The following ITFG1 variants were observed in gnomAD, a reference collection of about 807,000 sequenced individuals.
The protein encoded by ITFG1 is integrin alpha FG-GAP repeat containing 1, also known as T-cell immunomodulatory protein.
ITFG1 carries 34 observed loss-of-function variants against 81.8 expected under a neutral mutation model. The observed-to-expected ratio is 0.42, with a 90% confidence interval of 0.32 to 0.55. The LOEUF (loss-of-function observed/expected upper bound fraction) is 0.55. Ranked by LOEUF, ITFG1 falls within the 20% of genes least tolerant of loss-of-function variation. The pLI is 0.17. For synonymous variants in ITFG1, 285 were observed against 270.6 expected, an observed-to-expected ratio of 1.05 and a Z score of -0.52; for missense variants, 672 against 755.4, an observed-to-expected ratio of 0.89 and a Z score of 1.29.
chr16:47,359,279 C>G (rs1347585644), intron 8 of ITFG1, among the ~76,000 whole-genome samples: 1 of 152,196 alleles, frequency 6.6e-6, no homozygotes, highest in African/African-American at 2.4e-5. Flanking sequence ...GAGCTTTTAT[C>G]TCCCATTTGT....
At chr16:47,335,619 T>TA (rs891732907) in intron 8 of ITFG1, among the ~76,000 whole-genome samples, 1 of 151,928 alleles carries the variant, frequency 6.6e-6, no homozygotes, top group Non-Finnish European at 1.5e-5. Context: ...AATAAACTTA[T>TA]AAAAAAGATG....
intron 6 of ITFG1, among the ~76,000 whole-genome samples, chr16:47,425,062 T>C (rs540172567): frequency 2.0e-5 from 3 of 152,198 alleles, no homozygotes; most frequent in South Asian, 2.1e-4. Flanking sequence ...CTAGTGGCAG[T>C]AGTCCTTGCT....
At chr16:47,198,547 C>G (rs996605168) in intron 14 of ITFG1, among the ~76,000 whole-genome samples, 8 of 152,106 alleles carry the variant, frequency 5.3e-5, no homozygotes, top group Non-Finnish European at 1.2e-4. Flanking sequence ...TTTAATCATT[C>G]TTTTAGGGTG....
intron 5 of ITFG1, among the ~76,000 whole-genome samples, chr16:47,431,036 G>A (rs544747849): frequency 1.3e-5 from 2 of 152,154 alleles, no homozygotes; most frequent in Non-Finnish European, 2.9e-5. Flanking sequence ...AGTACAAAAT[G>A]GATGATCCTT....
intron 7 of ITFG1, among the ~76,000 whole-genome samples, chr16:47,368,725 C>A (rs1488435546): frequency 1.3e-5 from 2 of 152,004 alleles, no homozygotes; most frequent in Admixed American, 1.3e-4. Context: ...ACAGATTACC[C>A]CACTGAAGGT....
At chr16:47,236,739 A>G (rs1161402595) in intron 13 of ITFG1, among the ~76,000 whole-genome samples, 2 of 152,176 alleles carry the variant, frequency 1.3e-5, no homozygotes, top group Non-Finnish European at 2.9e-5. Context: ...AATCCCATCC[A>G]CAGTTTTACA....
At chr16:47,184,017 A>T (rs563256885) in intron 14 of ITFG1, among the ~76,000 whole-genome samples, 1 of 152,350 alleles carries the variant, frequency 6.6e-6, no homozygotes, top group African/African-American at 2.4e-5. Flanking sequence ...CGATGCGATC[A>T]ACTGGAAGAA....
In ITFG1 at chr16:47,269,032, G is replaced by GA. The variant is rs757415683; in HGVS notation, c.1071-8338dup. ...CTCAACACTGTAAAGGGCATCTACA[G>GA]AAGACCTACAGTGAACATCATACTA... On this transcript the variant is annotated intron_variant, in intron 10 of 17. Coordinates refer to ENST00000320640, the MANE Select transcript of ITFG1 (RefSeq NM_030790.5). Among the ~76,000 whole-genome samples, 13 of 152,270 alleles carry GA rather than the reference G, an allele frequency of 8.5e-5. No homozygotes were observed. In the East Asian group the frequency reaches 2.1e-3, roughly 25 times the overall value.
intron 6 of ITFG1, chr16:47,396,221 A>C (rs762839803): frequency 1.1e-6 from 1 of 941,926 alleles, no homozygotes; most frequent in Non-Finnish European, 1.3e-6. Context: ...ATACATTGTT[A>C]AATGCCAAAA....
chr16:47,231,465 C>G (rs554349564), intron 13 of ITFG1, among the ~76,000 whole-genome samples: 1 of 152,174 alleles, frequency 6.6e-6, no homozygotes, highest in South Asian at 2.1e-4. Flanking sequence ...TTTATGATAG[C>G]ACCACTAATA....
chr16:47,185,420 C>A (rs1965198022), intron 14 of ITFG1, among the ~76,000 whole-genome samples: 1 of 152,198 alleles, frequency 6.6e-6, no homozygotes, highest in Non-Finnish European at 1.5e-5. Flanking sequence ...GTCTCTCAGA[C>A]AAAGTGCAAT....
intron 10 of ITFG1, among the ~76,000 whole-genome samples, chr16:47,296,533 T>C (rs1267520145): frequency 1.3e-5 from 2 of 152,126 alleles, no homozygotes; most frequent in Non-Finnish European, 2.9e-5. Flanking sequence ...CCTCCCGGAT[T>C]CAAGCGATTC....
intron 6 of ITFG1, among the ~76,000 whole-genome samples, chr16:47,413,527 T>C (rs1473552747): frequency 1.3e-5 from 2 of 152,106 alleles, no homozygotes; most frequent in Admixed American, 1.3e-4. Context: ...AAATCCTGTC[T>C]CTATAAAACG....
At chr16:47,350,860 T>C (rs1225412383) in intron 8 of ITFG1, among the ~76,000 whole-genome samples, 3 of 152,148 alleles carry the variant, frequency 2.0e-5, no homozygotes, top group Admixed American at 1.3e-4. Context: ...AAAAAGCTTA[T>C]CCACCATGAT....
chr16:47,448,604 A>T (rs907611743), intron 5 of ITFG1: 25 of 128,202 alleles, frequency 2.0e-4, no homozygotes, highest in East Asian at 1.1e-3. Flanking sequence ...GAGTCAGAAA[A>T]TTTTTTTTTT....
At chr16:47,390,459 A>ATTAT (rs958319837) in intron 6 of ITFG1, among the ~76,000 whole-genome samples, 4 of 152,066 alleles carry the variant, frequency 2.6e-5, no homozygotes, top group Admixed American at 6.6e-5. Context: ...CTTGTTTATT[A>ATTAT]TTATTTATTT....
chr16:47,369,735 A>T (rs1434435491), intron 7 of ITFG1, among the ~76,000 whole-genome samples: 1 of 150,770 alleles, frequency 6.6e-6, no homozygotes, highest in Non-Finnish European at 1.5e-5. Context: ...GCACACAGTG[A>T]TGTTGTGATA....
At chr16:47,435,342 G>T (rs995439105) in intron 5 of ITFG1, among the ~76,000 whole-genome samples, 1 of 152,116 alleles carries the variant, frequency 6.6e-6, no homozygotes, top group Non-Finnish European at 1.5e-5. Context: ...CATAAAAACT[G>T]CTCTGATTAC....
intron 12 of ITFG1, among the ~76,000 whole-genome samples, chr16:47,242,759 C>T (rs535544533): frequency 2.6e-5 from 4 of 152,032 alleles, no homozygotes; most frequent in Non-Finnish European, 5.9e-5. Context: ...TGTGAAGGGA[C>T]ATCTGTTAAA....
Sources: allele counts gnomAD v4.1 joint callset (sites outside exome capture counted in the v4.1 genomes callset), GRCh38; gene constraint gnomAD v4.1.1; transcripts MANE v1.5; gene names NCBI Gene and HGNC (gene_info 2026-07-23, HGNC 2026-07-21).